The following TECR variants were observed in gnomAD, a reference collection of about 807,000 sequenced individuals.
The protein encoded by TECR is trans-2,3-enoyl-CoA reductase, also known as very-long-chain enoyl-CoA reductase.
In TECR, 19 loss-of-function variants were observed where a neutral mutation model predicts 50.6. That is an observed-to-expected ratio of 0.38 (90% CI 0.26 to 0.55). The LOEUF (loss-of-function observed/expected upper bound fraction) is 0.55. TECR is among the 20% of genes least tolerant of loss of function. TECR has a pLI of 0.79. For missense variants in TECR, 313 were observed against 408.3 expected (o/e 0.77, Z 2.01); for synonymous variants, 168 against 163.5 (o/e 1.03, Z -0.21).
At chr19:14,542,502 C>T (rs1468124851) in intron 1 of TECR, among the ~76,000 whole-genome samples, 1 of 151,684 alleles carries the variant, frequency 6.6e-6, no homozygotes, top group Non-Finnish European at 1.5e-5. Flanking sequence ...GCTGGGATTA[C>T]AGGCATCCAC....
chr19:14,551,460 A>G (rs1484977066), intron 1 of TECR, among the ~76,000 whole-genome samples: 4 of 152,158 alleles, frequency 2.6e-5, no homozygotes, highest in Non-Finnish European at 5.9e-5. Flanking sequence ...TCCCTGTGTT[A>G]GATGGTCTTG....
intron 1 of TECR, among the ~76,000 whole-genome samples, chr19:14,551,224 C>G (rs1427408159): frequency 6.6e-6 from 1 of 151,886 alleles, no homozygotes; most frequent in Non-Finnish European, 1.5e-5. Flanking sequence ...AGGCACCCAC[C>G]ACCACACCCA....
chr19:14,533,279 G>A (rs1456299805), intron 1 of TECR, among the ~76,000 whole-genome samples: 2 of 151,992 alleles, frequency 1.3e-5, no homozygotes, highest in Non-Finnish European at 2.9e-5. Context: ...AATTAGCTGG[G>A]TGTGGTGGCG....
rs199791765 is a variant in TECR, at chr19:14,565,603, C to T, written c.754-15C>T. The T allele has an allele frequency of 2.2e-5, 36 of 1,608,678 alleles. No individual in the cohort carries two copies. Among genetic ancestry groups the T allele is most frequent in the Non-Finnish European group, 2.5e-5 (29 of 1,178,842 alleles). On this transcript the variant is annotated splice_polypyrimidine_tract_variant and intron_variant, in intron 11 of 12. Coordinates refer to ENST00000215567, the MANE Select transcript of TECR (RefSeq NM_138501.6). ...TGCGAGGCTGCCCACGCTCACTCTC[C>T]GCCCCTGCCCACAGGTGGGGTCCTG...
intron 1 of TECR, among the ~76,000 whole-genome samples, chr19:14,559,441 G>C (rs1047599634): frequency 6.6e-6 from 1 of 151,994 alleles, no homozygotes; most frequent in Non-Finnish European, 1.5e-5. Context: ...GTTTCCTAGC[G>C]TAACTTATTT....
At chr19:14,560,743 CT>C (rs1421084732) in intron 1 of TECR, among the ~76,000 whole-genome samples, 4 of 152,234 alleles carry the variant, frequency 2.6e-5, no homozygotes, top group African/African-American at 9.6e-5. Context: ...TCCCACCCTC[CT>C]GTCCAGGAAG....
In TECR at chr19:14,563,086, G is replaced by A. The variant is rs1217012061; in HGVS notation, c.67-120G>A. On this transcript the variant is annotated intron_variant, in intron 2 of 12. Transcript: ENST00000215567. The surrounding 1 kb of genome is among the most constrained non-coding windows in gnomAD (Gnocchi z 5.3). ...ACTGCAGGCAGAGGCCTGGACCCCAGCCCTTCCCCCTTCCCATAGCTACAG... is the reference window on the plus strand; with the variant it reads ...ACTGCAGGCAGAGGCCTGGACCCCAACCCTTCCCCCTTCCCATAGCTACAG... 3 of 1,293,318 alleles carry A rather than the reference G, an allele frequency of 2.3e-6. No homozygotes were observed. Among genetic ancestry groups the A allele is most frequent in the African/African-American group, 1.5e-5 (1 of 68,632 alleles). 80.1% of individuals were successfully genotyped at this position (1,293,318 alleles called of 1,614,324 possible). A position where few individuals can be genotyped will look rare whatever the true frequency, so the allele number is the denominator to read the frequency against.
At chr19:14,549,147 T>G (rs1397776906) in intron 1 of TECR, among the ~76,000 whole-genome samples, 1 of 151,918 alleles carries the variant, frequency 6.6e-6, no homozygotes, top group Non-Finnish European at 1.5e-5. Flanking sequence ...GGCTGTAGTT[T>G]GCTGACCCAT....
upstream of TECR, chr19:14,529,530 C>A: frequency 1.1e-6 from 1 of 944,240 alleles, no homozygotes; most frequent in East Asian, 2.5e-5. Context: ...ACGTGGGCGC[C>A]TCGTGCCCTG....
intron 11 of TECR, 42 bp downstream of exon 11, chr19:14,565,332 T>A: frequency 6.2e-7 from 1 of 1,609,400 alleles, no homozygotes; most frequent in Non-Finnish European, 8.5e-7. Context: ...GGACTTGGGG[T>A]CCCATGTGGA....
In TECR at chr19:14,564,856, C is replaced by G. The variant is rs765862753; in HGVS notation, c.560C>G (p.Pro187Arg). 1 of 1,614,002 alleles carries G rather than the reference C, an allele frequency of 6.2e-7. No homozygotes were observed. Among genetic ancestry groups the G allele is most frequent in the Non-Finnish European group, 8.5e-7 (1 of 1,180,020 alleles). ...ATCAATCACCCTCTCTACACTCCCC[C>G]TAGTAAGTGGCCTCAGACCATCCTT... is the stretch of plus-strand genomic sequence containing the variant. ...YYINHPLYTP[P>R]TYGAQQVKLA... The change falls in exon 8 of 13, where the codon CCT becomes CGT. Residue 187 changes from proline (P) to arginine (R), a missense_variant and splice_region_variant. Pro to Arg is a moderately radical substitution (Grantham distance 103, BLOSUM62 -2). Transcript: ENST00000215567.
Position 14,564,021 on chromosome 19 carries a change from C to T in TECR, c.307C>T (p.Leu103=), listed in dbSNP as rs773934673. The T allele has an allele frequency of 3.7e-6, 6 of 1,613,950 alleles. No homozygotes were observed. The highest frequency in any genetic ancestry group is 1.6e-4 in the Middle Eastern group (1 of 6,080). Residue 103 remains leucine (L), a synonymous_variant, in exon 6 of 13, where the codon CTG becomes TTG. Transcript: ENST00000215567. Reference sequence around the variant, plus strand: ...GTACGCGGGGCCCCTTTTCATCTACCTGCTCTTCTACTTCCGAGTGCCCTT... The same window carrying T: ...GTACGCGGGGCCCCTTTTCATCTACTTGCTCTTCTACTTCCGAGTGCCCTT... ...TEYAGPLFIY[L]LFYFRVPFIY...
intron 1 of TECR, among the ~76,000 whole-genome samples, chr19:14,539,816 C>T (rs999526190): frequency 6.6e-6 from 1 of 152,102 alleles, no homozygotes; most frequent in Non-Finnish European, 1.5e-5. Context: ...AACCCCTTGC[C>T]TGTCACCCTG....
intron 1 of TECR, among the ~76,000 whole-genome samples, chr19:14,535,617 C>T (rs1338896895): frequency 9.3e-6 from 1 of 107,854 alleles, no homozygotes; most frequent in Non-Finnish European, 1.8e-5. Flanking sequence ...AGCCAGGCAT[C>T]ATGGTGCACT....
intron 1 of TECR, among the ~76,000 whole-genome samples, chr19:14,538,518 C>G (rs1055310442): frequency 1.4e-5 from 2 of 144,758 alleles, no homozygotes; most frequent in Non-Finnish European, 3.0e-5. Context: ...TTTGGAAGGC[C>G]TCAAAACTCT....
At chr19:14,553,784 T>C (rs1568418241) in intron 1 of TECR, among the ~76,000 whole-genome samples, 1 of 152,108 alleles carries the variant, frequency 6.6e-6, no homozygotes, top group African/African-American at 2.4e-5. Context: ...ATGCTGGGCA[T>C]TGGCTGGACA....
chr19:14,542,978 C>G (rs985135253), intron 1 of TECR, among the ~76,000 whole-genome samples: 6 of 151,104 alleles, frequency 4.0e-5, no homozygotes, highest in African/African-American at 1.5e-4. Context: ...TCTCCTGGGT[C>G]CTTCCAAATT....
chr19:14,533,128 G>A (rs2072735089), intron 1 of TECR, among the ~76,000 whole-genome samples: 1 of 140,508 alleles, frequency 7.1e-6, no homozygotes, highest in African/African-American at 2.7e-5. Context: ...AATAAATAAA[G>A]GATATATTTC....
intron 1 of TECR, among the ~76,000 whole-genome samples, chr19:14,561,636 G>A (rs1243458362): frequency 2.6e-5 from 4 of 152,160 alleles, no homozygotes; most frequent in Non-Finnish European, 5.9e-5. Flanking sequence ...TGGCTATAAG[G>A]TGAGAAGTGG....
Sources: gnomAD v4.1 joint callset for allele counts (sites outside exome capture counted in the v4.1 genomes callset) on GRCh38, gnomAD v4.1.1 for gene constraint, Gnocchi (gnomAD v3.1) non-coding constraint, MANE v1.5 for transcripts, NCBI Gene and HGNC (gene_info 2026-07-23, HGNC 2026-07-21) for gene names.